ZP3: variants seen among roughly 807,000 people sequenced by gnomAD.
ZP3 encodes zona pellucida glycoprotein 3.
ZP3 carries 21 observed loss-of-function variants against 35.6 expected under a neutral mutation model. That is an observed-to-expected ratio of 0.59 (90% confidence interval 0.42 to 0.85). The LOEUF (loss-of-function observed/expected upper bound fraction) is 0.85, where lower values mean the gene tolerates loss of function less well. ZP3 is among the 40% of genes least tolerant of loss of function. ZP3 has a pLI of 0.00. For missense variants in ZP3, 437 were observed against 536.5 expected (o/e 0.81, Z 1.83); for synonymous variants, 207 against 214.5 (o/e 0.96, Z 0.31).
intron 1 of ZP3, among the ~76,000 whole-genome samples, chr7:76,402,010 C>T (rs76114069): frequency 2.3e-3 from 352 of 152,070 alleles, no homozygotes; most frequent in African/African-American, 8.1e-3. Context: ...AGTCCTTCTA[C>T]TTCATTCTTC....
chr7:76,428,583 A>G (rs1301643716), intron 1 of ZP3: 1 of 152,064 alleles, frequency 6.6e-6, no homozygotes, highest in East Asian at 1.9e-4. Context: ...AGTAGTACTC[A>G]CCTGTGCTCT....
chr7:76,438,885 G>A (rs1806108648), intron 5 of ZP3, among the ~76,000 whole-genome samples: 1 of 121,994 alleles, frequency 8.2e-6, no homozygotes, highest in Non-Finnish European at 1.7e-5. Context: ...TGTAATCCCA[G>A]CACTTTGGGA....
rs371263995 is a variant in ZP3 at position 76,433,555 on chromosome 7, C to A, written c.621C>A (p.His207Gln). 4 of 1,614,098 alleles carry A rather than the reference C, an allele frequency of 2.5e-6. No homozygotes were observed. The highest frequency in any genetic ancestry group is 3.4e-6 in the Non-Finnish European group (4 of 1,180,042). ...AGGCAGAAATCCACACTGGCAGCCA[C>A]GTGCCACTGCGGTTGTTTGTGGACC... is the stretch of plus-strand genomic sequence containing the variant. ...HLQAEIHTGS[H>Q]VPLRLFVDHC... is the part of the protein sequence containing the mutation. Residue 207 changes from histidine (H) to glutamine (Q), a missense_variant, in exon 4 of 8, where the codon CAC becomes CAA. Around this residue, in one of 6 missense-constraint regions of ZP3, gnomAD observed 352 missense variants for 308.4 expected, o/e 1.14. Coordinates refer to ENST00000394857, the MANE Select transcript of ZP3 (RefSeq NM_001110354.2).
At chr7:76,429,422 C>T in intron 1 of ZP3, 93 bp from the exon 2 acceptor site, 1 of 1,217,916 alleles carries the variant, frequency 8.2e-7, no homozygotes, top group Non-Finnish European at 1.2e-6. Flanking sequence ...TTTCTGTCCC[C>T]TTGTGGGCTG....
rs542739551 is a variant in ZP3, at chr7:76,433,776, G to A, written c.713+129G>A. 3.2e-5 allele frequency: 36 copies of A among 1,132,310 alleles called. No individual in the cohort carries two copies. In the South Asian group the frequency reaches 5.3e-4, roughly 17 times the overall value. The allele number at this position is 1,132,310 out of a possible 1,614,324, so 70.1% of individuals were successfully genotyped here. A position where few individuals can be genotyped will look rare whatever the true frequency, so the allele number is the denominator to read the frequency against. On this transcript the variant is annotated intron_variant, in intron 4 of 7. Transcript: ENST00000394857. ...TACAGAGGCTTGATCTCTGCCCTCT[G>A]CAACCTCTGCCTCCCAGGTTTAAGT... is the stretch of plus-strand genomic sequence containing the variant.
chr7:76,429,685 GC>G, intron 2 of ZP3, 52 bp downstream of exon 2: 1 of 1,527,314 alleles, frequency 6.5e-7, no homozygotes. Flanking sequence ...CTTGGGTGTG[GC>G]TGCAGGCAAG....
chr7:76,403,649 C>CTTAT (rs1289342773), intron 1 of ZP3, among the ~76,000 whole-genome samples: 2 of 149,996 alleles, frequency 1.3e-5, no homozygotes, highest in Non-Finnish European at 3.0e-5. Flanking sequence ...TCAACTTATT[C>CTTAT]TTATTTATTT....
chr7:76,400,169 C>T, intron 1 of ZP3: 1 of 1,173,450 alleles, frequency 8.5e-7, no homozygotes. Flanking sequence ...ATTGTAGCCT[C>T]TGGCCTGATC....
At chr7:76,401,216 C>T (rs1804817593) in intron 1 of ZP3, among the ~76,000 whole-genome samples, 1 of 152,066 alleles carries the variant, frequency 6.6e-6, no homozygotes, top group East Asian at 1.9e-4. Context: ...TCCTGATTGG[C>T]TTCCCTGCCT....
intron 1 of ZP3, among the ~76,000 whole-genome samples, chr7:76,413,445 T>G (rs912026346): frequency 3.9e-5 from 6 of 151,942 alleles, no homozygotes; most frequent in Non-Finnish European, 5.9e-5. Flanking sequence ...GTATTTTTTT[T>G]TAGTAGAGTC....
intron 7 of ZP3, among the ~76,000 whole-genome samples, chr7:76,440,942 C>G (rs1328446570): frequency 1.3e-5 from 2 of 152,130 alleles, no homozygotes; most frequent in African/African-American, 4.8e-5. Context: ...GAGGCCAAGG[C>G]GGGCAGGTCA....
At chr7:76,437,849 G>C (rs948956741) in intron 5 of ZP3, among the ~76,000 whole-genome samples, 2 of 152,154 alleles carry the variant, frequency 1.3e-5, no homozygotes, top group African/African-American at 2.4e-5. Context: ...TGGGATCTTA[G>C]ACTCCAGTTA....
rs760414285 is a variant in ZP3, at chr7:76,425,019, C to A, written c.55C>A (p.Leu19Met). 7 of 1,582,638 alleles carry A rather than the reference C, an allele frequency of 4.4e-6. No individual in the cohort carries two copies. The highest frequency in any genetic ancestry group is 1.8e-5 in the Admixed American group (1 of 54,340). The change falls in exon 1 of 8, where the codon CTG (leucine) becomes ATG (methionine). Residue 19 changes from leucine (L) to methionine (M), a missense_variant. By Grantham distance (15) the Leu-to-Met change is conservative (BLOSUM62 2). Coordinates refer to ENST00000394857, the MANE Select transcript of ZP3 (RefSeq NM_001110354.2). ...ICLLLWGSTE[L>M]CYPQPLWLLQ... Reference sequence around the variant, plus strand: ...CCTCCTGCTCTGGGGTAGTACTGAGCTGTGCTACCCCCAACCCCTCTGGCT... The same window carrying A: ...CCTCCTGCTCTGGGGTAGTACTGAGATGTGCTACCCCCAACCCCTCTGGCT...
chr7:76,401,090 G>A, intron 1 of ZP3: 1 of 1,500,588 alleles, frequency 6.7e-7, no homozygotes, highest in Non-Finnish European at 8.9e-7. Context: ...CCACACCATG[G>A]CTCCCTGGTC....
rs1014962235 is a variant in ZP3, at chr7:76,428,147, G to A, written c.313-1368G>A. On this transcript the variant is annotated intron_variant, in intron 1 of 7. Coordinates refer to ENST00000394857, the MANE Select transcript of ZP3 (RefSeq NM_001110354.2). The stretch of plus-strand genomic sequence containing the variant: ...TCGAGACCAGCCTGGCTAACATGGC[G>A]AAACCCTGTCTCTATTTAAAAAAAA... Among the ~76,000 whole-genome samples the A allele has an allele frequency of 4.9e-5, 7 of 143,900 alleles. No individual in the cohort carries two copies. In the East Asian group the frequency reaches 1.0e-3, roughly 21 times the overall value. The allele number at this position is 143,900 out of a possible 152,430, so 94.4% of individuals were successfully genotyped here.
At chr7:76,407,160 C>T (rs1228346329) in intron 1 of ZP3, among the ~76,000 whole-genome samples, 1 of 151,998 alleles carries the variant, frequency 6.6e-6, no homozygotes. Flanking sequence ...GGGGTTTCCC[C>T]ATGTTGACCT....
At chr7:76,400,733 C>T (rs950926309) in intron 1 of ZP3, 5 of 1,087,292 alleles carry the variant, frequency 4.6e-6, no homozygotes, top group Non-Finnish European at 6.3e-6. Flanking sequence ...GTCTCAAACT[C>T]CTGGGCTCAA....
In ZP3 at chr7:76,400,356, G is replaced by A. The variant is rs79960636; in HGVS notation, c.-67+2559G>A. Reference sequence around the variant, plus strand: ...CGCCCCAGCCGCGGCTGCCGCACTCGCTCAGCGCAGCTTCCTGCCCGCGGC... The same window carrying A: ...CGCCCCAGCCGCGGCTGCCGCACTCACTCAGCGCAGCTTCCTGCCCGCGGC... On this transcript the variant is annotated intron_variant, in intron 1 of 8. Coordinates refer to the ZP3 transcript ENST00000336517. 0.025 allele frequency: 38,991 copies of A among 1,558,664 alleles called. 1,156 individuals carry two copies. The highest frequency in any genetic ancestry group is 0.13 in the East Asian group (5,615 of 42,138).
chr7:76,429,494 A>G, intron 1 of ZP3, 21 bp from the exon 2 acceptor site: 11 of 1,611,390 alleles, frequency 6.8e-6, no homozygotes, highest in Non-Finnish European at 9.3e-6. Context: ...CGGCAGCATT[A>G]ACTTCTCACC....
Sources: allele counts gnomAD v4.1 joint callset (sites outside exome capture counted in the v4.1 genomes callset), GRCh38; gene constraint gnomAD v4.1.1; regional missense constraint gnomAD v4.1.1; transcripts MANE v1.5; gene names NCBI Gene and HGNC (gene_info 2026-07-23, HGNC 2026-07-21).